Variants in CADM2 observed in about 807,000 individuals in gnomAD.
The protein encoded by CADM2 is cell adhesion molecule 2, also known as immunoglobulin superfamily member 4D.
A neutral mutation model predicts 49.8 loss-of-function variants in CADM2; 12 were observed. The ratio of observed to expected loss-of-function variants is 0.24; its 90% CI spans 0.15 to 0.39. The LOEUF (loss-of-function observed/expected upper bound fraction) is 0.39. Ranked by LOEUF, CADM2 falls within the 10% of genes least tolerant of loss-of-function variation. The probability of loss-of-function intolerance (pLI) is 1.00; values close to 1 mark genes in which losing one functional copy is unlikely to be tolerated. For synonymous variants in CADM2, 214 were observed against 175.4 expected, an observed-to-expected ratio of 1.22 and a Z score of -1.74; for missense variants, 378 against 492.3, an observed-to-expected ratio of 0.77 and a Z score of 2.20.
intron 1 of CADM2, among the ~76,000 whole-genome samples, chr3:85,258,269 A>G (rs1358980771): frequency 2.6e-5 from 4 of 152,140 alleles, no homozygotes; most frequent in African/African-American, 9.6e-5. Context: ...AAGCTCTGGC[A>G]GATAATAAAA....
intron 1 of CADM2, among the ~76,000 whole-genome samples, chr3:85,588,390 GA>G (rs1377720346): frequency 2.0e-5 from 3 of 152,016 alleles, no homozygotes; most frequent in African/African-American, 7.2e-5. Flanking sequence ...ACCCCACATT[GA>G]CAGTTAAGTT....
chr3:85,979,224 C>T (rs1559779455), intron 8 of CADM2: 1 of 1,610,904 alleles, frequency 6.2e-7, no homozygotes, highest in Non-Finnish European at 8.5e-7. Context: ...GCAACAGTCA[C>T]AACCACTGTA....
At chr3:85,014,922 A>G (rs1034153954) in intron 1 of CADM2, among the ~76,000 whole-genome samples, 1 of 152,164 alleles carries the variant, frequency 6.6e-6, no homozygotes, top group Non-Finnish European at 1.5e-5. Context: ...GTGCCTGCCT[A>G]TATCCTTCTA....
chr3:86,029,538 T>G (rs2107136618), intron 8 of CADM2, among the ~76,000 whole-genome samples: 1 of 151,992 alleles, frequency 6.6e-6, no homozygotes, highest in South Asian at 2.1e-4. Context: ...AACAGTGATT[T>G]GCATTTTTTT....
At chr3:85,331,302 G>C (rs1177644339) in intron 1 of CADM2, among the ~76,000 whole-genome samples, 1 of 151,558 alleles carries the variant, frequency 6.6e-6, no homozygotes, top group Non-Finnish European at 1.5e-5. Context: ...CCCAGCCTCT[G>C]GTAACCACCA....
intron 1 of CADM2, among the ~76,000 whole-genome samples, chr3:85,166,950 A>G (rs1044286695): frequency 1.3e-5 from 2 of 152,064 alleles, no homozygotes; most frequent in Non-Finnish European, 2.9e-5. Flanking sequence ...ATGTTCAACC[A>G]AGAAAAAATA....
At chr3:85,980,019 C>A (rs1324852718) in intron 8 of CADM2, among the ~76,000 whole-genome samples, 1 of 150,948 alleles carries the variant, frequency 6.6e-6, no homozygotes, top group Admixed American at 6.7e-5. Context: ...TATTCCTGAG[C>A]AGTCATTAAG....
chr3:85,257,379 C>T (rs1303422051), intron 1 of CADM2, among the ~76,000 whole-genome samples: 1 of 152,060 alleles, frequency 6.6e-6, no homozygotes, highest in African/African-American at 2.4e-5. Context: ...GTATATTCTA[C>T]TCTTCCTAGA....
chr3:85,738,863 C>T (rs950490104), intron 2 of CADM2, among the ~76,000 whole-genome samples: 1 of 152,124 alleles, frequency 6.6e-6, no homozygotes, highest in Admixed American at 6.5e-5. Flanking sequence ...AACTCATTCA[C>T]ATTTAATTAT....
At chr3:85,293,196 G>T (rs1296369369) in intron 1 of CADM2, among the ~76,000 whole-genome samples, 1 of 152,052 alleles carries the variant, frequency 6.6e-6, no homozygotes, top group Admixed American at 6.6e-5. Context: ...AGAAGAAATG[G>T]ATAAATTCCT....
intron 1 of CADM2, among the ~76,000 whole-genome samples, chr3:85,723,729 A>T (rs911152201): frequency 6.6e-6 from 1 of 152,104 alleles, no homozygotes; most frequent in Non-Finnish European, 1.5e-5. Flanking sequence ...AAATGTAAAG[A>T]TTAGCTTTAT....
chr3:85,778,741 T>A (rs1026522819), intron 2 of CADM2, among the ~76,000 whole-genome samples: 11 of 152,154 alleles, frequency 7.2e-5, no homozygotes, highest in Non-Finnish European at 1.3e-4. Flanking sequence ...GTATATGAGG[T>A]CACACACCTC....
At chr3:86,038,617 T>C (rs191563367) in intron 8 of CADM2, among the ~76,000 whole-genome samples, 48 of 152,318 alleles carry the variant, frequency 3.2e-4, no homozygotes, top group Admixed American at 8.5e-4. Context: ...TTCTCAATAA[T>C]AAATTACTTA....
chr3:85,353,780 C>T (rs1310062952), intron 1 of CADM2, among the ~76,000 whole-genome samples: 1 of 151,806 alleles, frequency 6.6e-6, no homozygotes, highest in Non-Finnish European at 1.5e-5. Flanking sequence ...AATCAATGCA[C>T]CTAAAATTAG....
At chr3:85,675,713 T>C (rs1319192740) in intron 1 of CADM2, among the ~76,000 whole-genome samples, 1 of 152,112 alleles carries the variant, frequency 6.6e-6, no homozygotes, top group Non-Finnish European at 1.5e-5. Flanking sequence ...TTAGGACAGG[T>C]TGGGGAAAAC....
intron 1 of CADM2, among the ~76,000 whole-genome samples, chr3:85,564,167 T>TTCTCTC (rs3086193): frequency 0.011 from 1,676 of 149,662 alleles, 41 homozygotes; most frequent in South Asian, 0.069. Context: ...GAAAGCATGA[T>TTCTCTC]TCTCTCTCTC....
chr3:85,185,771 A>C (rs2041046641), intron 1 of CADM2, among the ~76,000 whole-genome samples: 1 of 152,174 alleles, frequency 6.6e-6, no homozygotes, highest in Non-Finnish European at 1.5e-5. Context: ...AGGACCTTTA[A>C]AATAAAAGTC....
At chr3:85,657,761 G>GATATATAT (rs763157128) in intron 1 of CADM2, among the ~76,000 whole-genome samples, 18 of 111,590 alleles carry the variant, frequency 1.6e-4, no homozygotes, top group South Asian at 9.2e-4. Flanking sequence ...TATATACACA[G>GATATATAT]ATATATATAT....
intron 1 of CADM2, among the ~76,000 whole-genome samples, chr3:85,139,922 G>A (rs931057612): frequency 1.3e-5 from 2 of 152,154 alleles, no homozygotes; most frequent in Admixed American, 1.3e-4. Flanking sequence ...GATGTAGGAA[G>A]TAATGGGTGG....
Sources: gnomAD v4.1 joint callset for allele counts (sites outside exome capture counted in the v4.1 genomes callset) on GRCh38, gnomAD v4.1.1 for gene constraint, MANE v1.5 for transcripts, NCBI Gene and HGNC (gene_info 2026-07-23, HGNC 2026-07-21) for gene names.